Variants in CTNNA2 observed in about 807,000 individuals in gnomAD.
CTNNA2 encodes catenin alpha-2.
Under a neutral mutation model 101.0 loss-of-function variants are expected in CTNNA2, and 42 were observed. The ratio of observed to expected loss-of-function variants is 0.42; its 90% CI spans 0.32 to 0.54. CTNNA2 has a LOEUF of 0.54. Among genes scored for constraint, CTNNA2 ranks in the 20% least tolerant of loss-of-function variants. CTNNA2 has a pLI of 0.14. For missense variants in CTNNA2, 871 were observed against 1,223.1 expected, an observed-to-expected ratio of 0.71 and a Z score of 4.29; for synonymous variants, 450 against 456.4, an observed-to-expected ratio of 0.99 and a Z score of 0.18.
chr2:80,061,822 G>C (rs1313765666), intron 7 of CTNNA2, among the ~76,000 whole-genome samples: 1 of 152,162 alleles, frequency 6.6e-6, no homozygotes, highest in Non-Finnish European at 1.5e-5. Flanking sequence ...GTATTTTATA[G>C]ATGAGTGAAT....
At chr2:79,215,805 G>T (rs550037198) in intron 2 of CTNNA2, among the ~76,000 whole-genome samples, 3 of 152,156 alleles carry the variant, frequency 2.0e-5, no homozygotes, top group Non-Finnish European at 4.4e-5. Context: ...AAGCCAGACC[G>T]GGTGTGAGGA....
chr2:80,349,616 T>G (rs1343365424), intron 7 of CTNNA2, among the ~76,000 whole-genome samples: 2 of 152,156 alleles, frequency 1.3e-5, no homozygotes, highest in Non-Finnish European at 2.9e-5. Context: ...TAACTTCCAC[T>G]GCCTCCCACT....
chr2:80,238,203 CT>C (rs1424488034), intron 7 of CTNNA2, among the ~76,000 whole-genome samples: 7 of 151,982 alleles, frequency 4.6e-5, no homozygotes, highest in African/African-American at 1.5e-4. Flanking sequence ...CAAGGAATGA[CT>C]TTACTCAAGA....
chr2:80,318,444 G>A (rs761861972), intron 7 of CTNNA2, among the ~76,000 whole-genome samples: 49 of 152,042 alleles, frequency 3.2e-4, no homozygotes, highest in Non-Finnish European at 6.3e-4. Flanking sequence ...TTATGTTTAG[G>A]TTTGGGTTTT....
chr2:79,983,621 C>T (rs59804770), intron 7 of CTNNA2, among the ~76,000 whole-genome samples: 17,562 of 152,066 alleles, frequency 0.12, 1,464 homozygotes, highest in African/African-American at 0.22. Flanking sequence ...GAGGCCAGTG[C>T]GTCTTGTGTC....
intron 2 of CTNNA2, among the ~76,000 whole-genome samples, chr2:79,269,130 G>A (rs1433258637): frequency 6.6e-6 from 1 of 152,056 alleles, no homozygotes; most frequent in Non-Finnish European, 1.5e-5. Flanking sequence ...GGTGTACTGA[G>A]CTCTTATACA....
intron 7 of CTNNA2, among the ~76,000 whole-genome samples, chr2:80,252,005 A>T (rs745699721): frequency 6.6e-6 from 1 of 152,178 alleles, no homozygotes; most frequent in Non-Finnish European, 1.5e-5. Flanking sequence ...TTGCTTGCAA[A>T]TTGTTAAATT....
intron 2 of CTNNA2, among the ~76,000 whole-genome samples, chr2:79,669,638 G>A (rs374995255): frequency 6.6e-6 from 1 of 152,190 alleles, no homozygotes; most frequent in Non-Finnish European, 1.5e-5. Context: ...AAGTCATTTG[G>A]ATGTCTCTGC....
chr2:79,815,824 C>G (rs997253165), intron 3 of CTNNA2, among the ~76,000 whole-genome samples: 27 of 151,678 alleles, frequency 1.8e-4, no homozygotes, highest in African/African-American at 5.6e-4. Context: ...ATGGGAATTG[C>G]ATTGAATTTG....
At chr2:80,075,950 A>G (rs1698720057) in intron 7 of CTNNA2, among the ~76,000 whole-genome samples, 1 of 151,938 alleles carries the variant, frequency 6.6e-6, no homozygotes, top group Non-Finnish European at 1.5e-5. Flanking sequence ...GCTGGAGACA[A>G]TGAGGAAAGG....
intron 13 of CTNNA2, among the ~76,000 whole-genome samples, 193 bp downstream of exon 13, chr2:80,574,507 C>G (rs1407879914): frequency 2.0e-5 from 3 of 152,150 alleles, no homozygotes; most frequent in African/African-American, 7.2e-5. Context: ...CAAGTGAGCA[C>G]TGAATATTCT....
chr2:80,065,500 C>T (rs1285839472), intron 7 of CTNNA2, among the ~76,000 whole-genome samples: 3 of 151,936 alleles, frequency 2.0e-5, no homozygotes, highest in African/African-American at 4.8e-5. Context: ...ATTACAGGTG[C>T]GTGCCACAAC....
chr2:79,448,750 C>T (rs1028680885), intron 4 of CTNNA2, among the ~76,000 whole-genome samples: 2 of 152,018 alleles, frequency 1.3e-5, no homozygotes, highest in South Asian at 2.1e-4. Flanking sequence ...GGTCTTCTGG[C>T]TGCTCAAAGA....
chr2:80,500,235 C>T lies in CTNNA2; in HGVS notation c.1291-44747C>T, dbSNP rs972775174. Among the ~76,000 whole-genome samples, 5 of 152,222 alleles carry T rather than the reference C, an allele frequency of 3.3e-5. No homozygotes were observed. The South Asian group carries it at 6.2e-4, about 19-fold the overall frequency. The stretch of plus-strand genomic sequence containing the variant: ...ACAGAAGCTATGTGAGAATGGGATC[C>T]GCAAAAATGCAGAATAAAAGTTTAC... On this transcript the variant is annotated intron_variant, in intron 9 of 18. Transcript: ENST00000402739.
chr2:79,324,563 T>C (rs945979658), intron 3 of CTNNA2, among the ~76,000 whole-genome samples: 3 of 152,072 alleles, frequency 2.0e-5, no homozygotes, highest in Admixed American at 2.0e-4. Flanking sequence ...AAAATAAATA[T>C]TACATCCAGT....
chr2:79,265,961 T>G (rs2104292670), intron 2 of CTNNA2, among the ~76,000 whole-genome samples: 1 of 152,184 alleles, frequency 6.6e-6, no homozygotes, highest in Admixed American at 6.5e-5. Flanking sequence ...CCTCAAGAGG[T>G]TTGCCATGGA....
Position 80,209,360 on chromosome 2 carries a change from C to G in CTNNA2, c.1057-183851C>G, listed in dbSNP as rs867435946. On this transcript the variant is annotated intron_variant, in intron 7 of 18. Coordinates refer to ENST00000402739, the MANE Select transcript of CTNNA2 (RefSeq NM_001282597.3). ...GGGATTACAGGTGCACGCCACCACA[C>G]TCAGCTAATTTTTGCATGTGGGGTT... Among the ~76,000 whole-genome samples, 15 of 151,944 alleles carry G rather than the reference C, an allele frequency of 9.9e-5. 1 individual carries two copies. Among genetic ancestry groups the G allele is most frequent in the Admixed American group, 2.0e-4 (3 of 15,238 alleles).
At chr2:79,495,424 A>G (rs1354821382) in intron 4 of CTNNA2, among the ~76,000 whole-genome samples, 2 of 152,236 alleles carry the variant, frequency 1.3e-5, no homozygotes, top group African/African-American at 4.8e-5. Context: ...AGGAGATACC[A>G]AATCACACCT....
chr2:80,292,642 C>G (rs1414758732), intron 7 of CTNNA2, among the ~76,000 whole-genome samples: 2 of 152,202 alleles, frequency 1.3e-5, no homozygotes, highest in African/African-American at 4.8e-5. Flanking sequence ...TGCATACTCT[C>G]ATGGTGAGTC....
Sources: gnomAD v4.1 joint callset for allele counts (sites outside exome capture counted in the v4.1 genomes callset) on GRCh38, gnomAD v4.1.1 for gene constraint, MANE v1.5 for transcripts, NCBI Gene and HGNC (gene_info 2026-07-23, HGNC 2026-07-21) for gene names.